LPIN2: variants seen among roughly 807,000 people sequenced by gnomAD.
LPIN2 encodes the protein lipin 2, also known as phosphatidate phosphatase LPIN2.
Under a neutral mutation model 111.4 loss-of-function variants are expected in LPIN2, and 55 were observed. The ratio of observed to expected loss-of-function variants is 0.49; its 90% CI spans 0.40 to 0.62. LPIN2 has a LOEUF of 0.62. LPIN2 is among the 20% of genes least tolerant of loss of function. The probability of loss-of-function intolerance (pLI) is 0.00; values close to 1 mark genes in which losing one functional copy is unlikely to be tolerated. For missense variants in LPIN2, 992 were observed against 1,112.1 expected, an observed-to-expected ratio of 0.89 and a Z score of 1.54; for synonymous variants, 425 against 414.0, an observed-to-expected ratio of 1.03 and a Z score of -0.32.
At chr18:2,996,644 A>AT (rs2078349786) in intron 1 of LPIN2, among the ~76,000 whole-genome samples, 1 of 149,492 alleles carries the variant, frequency 6.7e-6, no homozygotes, top group East Asian at 2.0e-4. Context: ...CGCCTGGCTA[A>AT]TTTTTTGTAT....
intron 13 of LPIN2, 44 bp downstream of exon 13, chr18:2,926,679 G>T: frequency 6.5e-7 from 1 of 1,540,002 alleles, no homozygotes. Context: ...GGCCCTGCTA[G>T]AGGGCCTGAG....
chr18:2,932,624 G>A (rs1010452456), intron 8 of LPIN2, among the ~76,000 whole-genome samples: 2 of 152,184 alleles, frequency 1.3e-5, no homozygotes, highest in Non-Finnish European at 2.9e-5. Context: ...CACCACACCT[G>A]TCTCCTCTTT....
chr18:2,973,151 T>C (rs966699022), intron 1 of LPIN2, among the ~76,000 whole-genome samples: 13 of 152,110 alleles, frequency 8.5e-5, no homozygotes, highest in Non-Finnish European at 1.3e-4. Flanking sequence ...GTTTTAAGAT[T>C]ACAAATAGCT....
Position 2,920,832 on chromosome 18 carries a change from G to A in LPIN2, c.2492C>T (p.Thr831Ile). ...TATTAATTCACCCTTGGGGTTCACG[G>A]TGAATATTCTACAGTCTGGAACTCC... ...QVGVPDCRIF[T>I]VNPKGELIQE... The change falls in exon 19 of 20, where the codon ACC (threonine) becomes ATC (isoleucine). Residue 831 changes from threonine to isoleucine, a missense_variant. This residue lies in a region of LPIN2 where 185 missense variants were observed against 186.5 expected (regional missense o/e 0.99). Coordinates refer to ENST00000677752, the MANE Select transcript of LPIN2 (RefSeq NM_001375808.2). 6.2e-7 allele frequency: 1 copy of A among 1,614,162 alleles called. No individual in the cohort carries two copies. Among genetic ancestry groups the A allele is most frequent in the Non-Finnish European group, 8.5e-7 (1 of 1,179,998 alleles).
At chr18:2,953,792 G>T (rs629273) in intron 3 of LPIN2, among the ~76,000 whole-genome samples, 113,827 of 151,876 alleles carry the variant, frequency 0.75, 43,001 homozygotes, top group Non-Finnish European at 0.78. Flanking sequence ...TTAAAAAGAT[G>T]CACATTACGT....
At chr18:2,931,106 A>C in intron 9 of LPIN2, 150 bp downstream of exon 9, 1 of 916,902 alleles carries the variant, frequency 1.1e-6, no homozygotes, top group Non-Finnish European at 1.7e-6. Flanking sequence ...AAGTGAGGGT[A>C]TAAGGGTCTG....
At chr18:2,994,926 G>A (rs987693442) in intron 1 of LPIN2, among the ~76,000 whole-genome samples, 1 of 152,094 alleles carries the variant, frequency 6.6e-6, no homozygotes, top group Non-Finnish European at 1.5e-5. Flanking sequence ...GGGGTGGGCC[G>A]GCAAGCACAT....
chr18:2,925,002 G>A lies in LPIN2; in HGVS notation c.1938+222C>T, dbSNP rs2077108827. On this transcript the variant is annotated intron_variant, in intron 14 of 19. Transcript: ENST00000677752. This position sits in a 1 kb window ranked among gnomAD's most constrained non-coding sequence, Gnocchi z 4.1. ...GACTGACTCTCAAGAGATGGAGGAA[G>A]GAGGTCTGGGGTGGGTGGCAGGACC... is the stretch of plus-strand genomic sequence containing the variant. Among the ~76,000 whole-genome samples, 1 of 152,194 alleles carries A rather than the reference G, an allele frequency of 6.6e-6. No homozygotes were observed. The highest frequency in any genetic ancestry group is 6.5e-5 in the Admixed American group (1 of 15,280).
intron 1 of LPIN2, among the ~76,000 whole-genome samples, chr18:2,965,149 A>G (rs983555889): frequency 1.3e-5 from 2 of 152,332 alleles, no homozygotes; most frequent in East Asian, 3.8e-4. Context: ...AAGTGAAGAA[A>G]AAAAAAAGCA....
intron 1 of LPIN2, among the ~76,000 whole-genome samples, chr18:3,009,454 T>C (rs1285010831): frequency 6.6e-6 from 1 of 151,826 alleles, no homozygotes; most frequent in African/African-American, 2.4e-5. Flanking sequence ...TTGTTTGTTT[T>C]TTGAGACAGA....
chr18:2,945,077 G>A (rs1402668483), intron 4 of LPIN2, among the ~76,000 whole-genome samples: 1 of 151,934 alleles, frequency 6.6e-6, no homozygotes, highest in Non-Finnish European at 1.5e-5. Context: ...AAACTGCAGA[G>A]CTTCATCTCT....
In LPIN2 at chr18:2,920,235, T is replaced by G. The variant is rs950462813; in HGVS notation, c.*58A>C. 2 of 1,608,828 alleles carry G rather than the reference T, an allele frequency of 1.2e-6. No homozygotes were observed. The highest frequency in any genetic ancestry group is 2.7e-5 in the African/African-American group (2 of 74,840). On this transcript the variant is annotated 3_prime_UTR_variant, in exon 20 of 20. Coordinates refer to ENST00000677752, the MANE Select transcript of LPIN2 (RefSeq NM_001375808.2). The stretch of plus-strand genomic sequence containing the variant: ...ATCTGAGGTCAGCAGAAGAGCCAGC[T>G]GCCTTCCCTTGCTGTGGGGAGGGGG...
intron 1 of LPIN2, among the ~76,000 whole-genome samples, chr18:2,969,373 T>G (rs2077865476): frequency 6.6e-6 from 1 of 152,128 alleles, no homozygotes. Context: ...GAGCTGGTGT[T>G]GGGCCTCAGA....
At chr18:2,921,038 A>G in intron 18 of LPIN2, 157 bp from the exon 19 acceptor site, 1 of 692,120 alleles carries the variant, frequency 1.4e-6, no homozygotes, top group South Asian at 1.5e-5. Context: ...GCTTTAGACA[A>G]ACCTAAACTA....
Position 2,920,083 on chromosome 18 carries a change from A to G in LPIN2, c.*210T>C. 1.6e-6 allele frequency: 1 copy of G among 633,314 alleles called. No individual in the cohort carries two copies. Among genetic ancestry groups the G allele is most frequent in the Non-Finnish European group, 2.8e-6 (1 of 361,986 alleles). The allele number at this position is 633,314 out of a possible 1,614,324, so 39.2% of individuals were successfully genotyped here. ...ATCCCAGGCCTCCAGCCCCAGGCCC[A>G]GTTCCTCCCTTCTCCTTCCAGGAGC... On this transcript the variant is annotated 3_prime_UTR_variant, in exon 20 of 20. Coordinates refer to ENST00000677752, the MANE Select transcript of LPIN2 (RefSeq NM_001375808.2).
Position 2,929,106 on chromosome 18 carries a change from T to C in LPIN2, c.1509A>G (p.Gly503=). 6.2e-7 allele frequency: 1 copy of C among 1,606,882 alleles called. No homozygotes were observed. Among genetic ancestry groups the C allele is most frequent in the Non-Finnish European group, 8.5e-7 (1 of 1,173,718 alleles). Residue 503 remains glycine, a synonymous_variant, in exon 10 of 20, where the codon GGA becomes GGG. Coordinates refer to ENST00000677752, the MANE Select transcript of LPIN2 (RefSeq NM_001375808.2). ...ITYHEFAENP[G]LIDNPNLVIR... Reference sequence around the variant, plus strand: ...TTACAAGGTTAGGATTGTCTATAAGTCCAGGGTTTTCTGCAAATTCGTGAT... The same window carrying C: ...TTACAAGGTTAGGATTGTCTATAAGCCCAGGGTTTTCTGCAAATTCGTGAT...
intron 2 of LPIN2, among the ~76,000 whole-genome samples, chr18:2,955,425 T>C (rs912151716): frequency 1.2e-4 from 18 of 151,782 alleles, no homozygotes; most frequent in African/African-American, 4.1e-4. Context: ...TTTAAAACAA[T>C]TGGATCTTGT....
intron 16 of LPIN2, among the ~76,000 whole-genome samples, chr18:2,922,935 C>T (rs1173078689): frequency 6.6e-6 from 1 of 152,136 alleles, no homozygotes; most frequent in Non-Finnish European, 1.5e-5. Flanking sequence ...CTGACATATT[C>T]GTAATTTTCA....
intron 1 of LPIN2, among the ~76,000 whole-genome samples, chr18:2,994,154 A>G (rs1431231797): frequency 5.9e-5 from 9 of 152,208 alleles, no homozygotes; most frequent in Non-Finnish European, 8.8e-5. Flanking sequence ...AGTGCCTGTA[A>G]TATCTCAGGT....
Sources: gnomAD v4.1 joint callset for allele counts (sites outside exome capture counted in the v4.1 genomes callset) on GRCh38, gnomAD v4.1.1 for gene constraint, gnomAD v4.1.1 regional missense constraint, Gnocchi (gnomAD v3.1) non-coding constraint, MANE v1.5 for transcripts, NCBI Gene and HGNC (gene_info 2026-07-23, HGNC 2026-07-21) for gene names.